The following RNF216 variants were observed in gnomAD, a reference collection of about 807,000 sequenced individuals.
RNF216 encodes the protein E3 ubiquitin-protein ligase RNF216.
RNF216 carries 72 observed loss-of-function variants against 110.8 expected under a neutral mutation model. The ratio of observed to expected loss-of-function variants is 0.65; its 90% CI spans 0.54 to 0.79. The LOEUF (loss-of-function observed/expected upper bound fraction) is 0.79, where lower values mean the gene tolerates loss of function less well. Among genes scored for constraint, RNF216 ranks in the 30% least tolerant of loss-of-function variants. The pLI, the probability that RNF216 is intolerant of heterozygous loss-of-function variation, is 0.00. For synonymous variants in RNF216, 495 were observed against 407.5 expected, an observed-to-expected ratio of 1.21 and a Z score of -2.59; for missense variants, 1,342 against 1,141.2, an observed-to-expected ratio of 1.18 and a Z score of -2.54.
chr7:5,626,577 C>T (rs1786717813), intron 15 of RNF216, among the ~76,000 whole-genome samples: 1 of 151,554 alleles, frequency 6.6e-6, no homozygotes, highest in African/African-American at 2.4e-5. Context: ...TTTAGCCAGG[C>T]ATGGTGGTGT....
Position 5,621,635 on chromosome 7 carries a change from G to A in RNF216, c.*1225C>T, listed in dbSNP as rs1252212197. The A allele has an allele frequency of 1.3e-5, 2 of 152,462 alleles. No homozygotes were observed. The highest frequency in any genetic ancestry group is 2.1e-4 in the South Asian group (1 of 4,830). The allele number at this position is 152,462 out of a possible 1,614,324, so 9.4% of individuals were successfully genotyped here. A position where few individuals can be genotyped will look rare whatever the true frequency, so the allele number is the denominator to read the frequency against. On this transcript the variant is annotated 3_prime_UTR_variant, in exon 17 of 17. Transcript: ENST00000389902. ...GTTGTCGGACTCAGCTGTGTCTGAG[G>A]TCTGTGAACTCCCAGCCTCTCAGAA...
At chr7:5,758,680 T>G (rs1161104313) in intron 2 of RNF216, among the ~76,000 whole-genome samples, 1 of 152,202 alleles carries the variant, frequency 6.6e-6, no homozygotes, top group Non-Finnish European at 1.5e-5. Context: ...CGTCTTTCTT[T>G]TGGCCAATTT....
chr7:5,695,561 A>G lies in RNF216; in HGVS notation c.2061+16200T>C, dbSNP rs535166828. Among the ~76,000 whole-genome samples the G allele has an allele frequency of 3.9e-5, 6 of 152,368 alleles. No homozygotes were observed. In the South Asian group the frequency reaches 8.3e-4, roughly 21 times the overall value. ...GCTCTCTCTCTGCAGAGCAGAAGACACCGCAGCTATAGACAAGTTCTATTG... is the reference window on the plus strand; with the variant it reads ...GCTCTCTCTCTGCAGAGCAGAAGACGCCGCAGCTATAGACAAGTTCTATTG... On this transcript the variant is annotated intron_variant, in intron 13 of 16. Coordinates refer to ENST00000389902, the MANE Select transcript of RNF216 (RefSeq NM_207111.4).
intron 13 of RNF216, among the ~76,000 whole-genome samples, chr7:5,676,200 T>C (rs755840464): frequency 4.2e-4 from 64 of 151,528 alleles, no homozygotes; most frequent in Non-Finnish European, 7.5e-4. Flanking sequence ...TTAGGAGAGA[T>C]AGGGTTTTGC....
intron 8 of RNF216, among the ~76,000 whole-genome samples, chr7:5,724,496 C>T (rs985243593): frequency 2.6e-5 from 4 of 152,346 alleles, no homozygotes; most frequent in Admixed American, 2.6e-4. Context: ...TGAAAAACCA[C>T]CTGCACACTG....
At chr7:5,766,328 T>C (rs1488928905) in intron 1 of RNF216, among the ~76,000 whole-genome samples, 2 of 151,886 alleles carry the variant, frequency 1.3e-5, no homozygotes, top group Non-Finnish European at 2.9e-5. Flanking sequence ...AATCCTTGAG[T>C]CTAGAGGATG....
At chr7:5,656,741 G>A (rs1788772131) in intron 13 of RNF216, among the ~76,000 whole-genome samples, 1 of 152,164 alleles carries the variant, frequency 6.6e-6, no homozygotes, top group African/African-American at 2.4e-5. Context: ...AAGCACTTCC[G>A]TCTTCCTTTA....
intron 2 of RNF216, among the ~76,000 whole-genome samples, chr7:5,757,217 T>C (rs1584585532): frequency 6.6e-6 from 1 of 152,210 alleles, no homozygotes; most frequent in African/African-American, 2.4e-5. Context: ...CCCACTATAA[T>C]GGTGGATTTG....
In RNF216 at chr7:5,696,630, C is replaced by A. The variant is rs542864432; in HGVS notation, c.2061+15131G>T. 6.6e-6 allele frequency among the ~76,000 whole-genome samples: 1 copy of A among 152,188 alleles called. No individual in the cohort carries two copies. Among genetic ancestry groups the A allele is most frequent in the Non-Finnish European group, 1.5e-5 (1 of 68,026 alleles). ...TTCACCAAAGCCTCTTCCTTGGCTG[C>A]TGCCATCCTCGCTTTTGACTACTGC... On this transcript the variant is annotated intron_variant, in intron 13 of 16. Coordinates refer to ENST00000389902, the MANE Select transcript of RNF216 (RefSeq NM_207111.4). This position sits in a 1 kb window ranked among gnomAD's most constrained non-coding sequence, Gnocchi z 5.4.
At chr7:5,707,384 T>A (rs368497514) in intron 13 of RNF216, among the ~76,000 whole-genome samples, 1 of 152,208 alleles carries the variant, frequency 6.6e-6, no homozygotes, top group African/African-American at 2.4e-5. Context: ...TATTCCAACT[T>A]TTTTGATGTA....
chr7:5,647,686 T>C (rs1201847578), intron 14 of RNF216, among the ~76,000 whole-genome samples: 1 of 152,168 alleles, frequency 6.6e-6, no homozygotes, highest in Admixed American at 6.5e-5. Context: ...TATAGTTTTA[T>C]CACCCAAGCT....
chr7:5,655,777 T>C (rs1788703046), intron 13 of RNF216, among the ~76,000 whole-genome samples: 1 of 148,016 alleles, frequency 6.8e-6, no homozygotes, highest in Admixed American at 6.6e-5. Context: ...TTTTACTAAA[T>C]TGTAATTTTC....
intron 14 of RNF216, among the ~76,000 whole-genome samples, chr7:5,648,106 C>T (rs1202842692): frequency 6.8e-6 from 1 of 146,546 alleles, no homozygotes; most frequent in African/African-American, 2.7e-5. Context: ...GCCTTTAGCT[C>T]TATTTTTTTT....
chr7:5,644,067 T>C (rs569429402), intron 14 of RNF216, among the ~76,000 whole-genome samples: 1 of 152,350 alleles, frequency 6.6e-6, no homozygotes, highest in African/African-American at 2.4e-5. Flanking sequence ...TATGAATATA[T>C]CATATTAGTT....
In RNF216 at chr7:5,779,527, C is replaced by G. The variant is rs562285025; in HGVS notation, c.-70+2014G>C. Among the ~76,000 whole-genome samples, 3 of 152,182 alleles carry G rather than the reference C, an allele frequency of 2.0e-5. No individual in the cohort carries two copies. The South Asian group carries it at 6.2e-4, about 32-fold the overall frequency. ...GATGTTTCATAGAATCTTCCCGCTT[C>G]TCTCCCTTCTCAGCGCGTAAAGAAT... On this transcript the variant is annotated intron_variant, in intron 1 of 16. Coordinates refer to ENST00000389902, the MANE Select transcript of RNF216 (RefSeq NM_207111.4).
intron 14 of RNF216, 55 bp from the exon 15 acceptor site, chr7:5,641,431 T>C: frequency 7.4e-7 from 1 of 1,357,702 alleles, no homozygotes; most frequent in Non-Finnish European, 1.0e-6. Flanking sequence ...AGGAAAAAAA[T>C]ATGGCCATTA....
At chr7:5,636,218 C>T (rs1295046850) in intron 15 of RNF216, among the ~76,000 whole-genome samples, 1 of 152,196 alleles carries the variant, frequency 6.6e-6, no homozygotes, top group Non-Finnish European at 1.5e-5. Flanking sequence ...CGTCTGTTCA[C>T]TTATGTGTCA....
At chr7:5,704,439 G>C (rs1300027718) in intron 13 of RNF216, among the ~76,000 whole-genome samples, 2 of 152,146 alleles carry the variant, frequency 1.3e-5, no homozygotes, top group Non-Finnish European at 2.9e-5. Flanking sequence ...ACAAAGAATG[G>C]CATAAGGAGA....
intron 1 of RNF216, among the ~76,000 whole-genome samples, chr7:5,769,286 T>C (rs1051933738): frequency 1.3e-5 from 2 of 151,988 alleles, no homozygotes; most frequent in Admixed American, 1.3e-4. Context: ...CCCAGCTAAT[T>C]TTTGTATTTT....
Sources: allele counts gnomAD v4.1 joint callset (sites outside exome capture counted in the v4.1 genomes callset), GRCh38; gene constraint gnomAD v4.1.1; non-coding constraint Gnocchi (gnomAD v3.1); transcripts MANE v1.5; gene names NCBI Gene and HGNC (gene_info 2026-07-23, HGNC 2026-07-21).